ZNF841: variants seen among roughly 807,000 people sequenced by gnomAD.
ZNF841 encodes the protein TCONS_00006091.
ZNF841 carries 11 observed loss-of-function variants against 13.0 expected under a neutral mutation model. The ratio of observed to expected loss-of-function variants is 0.85; its 90% CI spans 0.53 to 1.40. The LOEUF is 1.40. Among genes scored for constraint, ZNF841 ranks in the 40% most tolerant of loss-of-function variants. The pLI is 0.00. For synonymous variants in ZNF841, 369 were observed against 381.6 expected, an observed-to-expected ratio of 0.97 and a Z score of 0.38; for missense variants, 1,068 against 1,139.5, an observed-to-expected ratio of 0.94 and a Z score of 0.90.
At chr19:52,060,372 C>A (rs913066427), downstream of ZNF841, among the ~76,000 whole-genome samples, 4 of 152,202 alleles carry the variant, frequency 2.6e-5, no homozygotes, top group African/African-American at 9.6e-5. Context: ...GTGGACAGCA[C>A]CTAAGCACAA....
At chr19:52,062,844 T>C (rs543022413), downstream of ZNF841, among the ~76,000 whole-genome samples, 5 of 152,150 alleles carry the variant, frequency 3.3e-5, no homozygotes, top group East Asian at 9.7e-4. Flanking sequence ...CATAGTATGA[T>C]TTACCTAACA....
chr19:52,065,880 G>C lies in ZNF841; in HGVS notation c.2002C>G (p.Leu668Val). 2 of 1,614,100 alleles carry C rather than the reference G, an allele frequency of 1.2e-6. No individual in the cohort carries two copies. The highest frequency in any genetic ancestry group is 1.7e-6 in the Non-Finnish European group (2 of 1,180,004). Residue 668 changes from leucine (L) to valine (V), a missense_variant, in exon 7 of 7, where the codon CTC becomes GTC. Transcript: ENST00000594440. ...GTATGAATTACCAGATGTTTAGTGA[G>C]GCTTGAACGCTGAGTATAGGCTTTG... Reference protein sequence around the residue: ...CGKAYTQRSSLTKHLVIHTGE... With the variant: ...CGKAYTQRSSVTKHLVIHTGE...
At chr19:52,087,967 C>G (rs1291730806) in intron 3 of ZNF841, among the ~76,000 whole-genome samples, 2 of 150,926 alleles carry the variant, frequency 1.3e-5, no homozygotes, top group African/African-American at 4.9e-5. Context: ...CAAGGAAACT[C>G]TCCATATTGA....
rs137926229 is a variant in ZNF841, at chr19:52,065,532, A to G, written c.2350T>C (p.Trp784Arg). The change falls in exon 7 of 7, where the codon TGG becomes CGG. Residue 784 changes from tryptophan to arginine, a missense_variant. Transcript: ENST00000594440. ...FRYRSGLARH[W>R]SIHTGEKPYK... The stretch of plus-strand genomic sequence containing the variant: ...GGTTTCTCTCCAGTATGAATACTCC[A>G]ATGACGTGCGAGGCCTGAGCGATAA... 6 of 1,611,436 alleles carry G rather than the reference A, an allele frequency of 3.7e-6. No homozygotes were observed. The East Asian group carries it at 1.1e-4, about 30-fold the overall frequency.
At chr19:52,068,443 G>A (rs577636384) in intron 6 of ZNF841, among the ~76,000 whole-genome samples, 18 of 152,162 alleles carry the variant, frequency 1.2e-4, no homozygotes, top group South Asian at 2.1e-4. Context: ...TTGGGAGGCC[G>A]AGGTGGGTGG....
intron 6 of ZNF841, among the ~76,000 whole-genome samples, chr19:52,070,210 G>A (rs1396679053): frequency 6.6e-6 from 1 of 152,194 alleles, no homozygotes; most frequent in Admixed American, 6.5e-5. Flanking sequence ...AATACTTCAA[G>A]AGCCATTTTG....
At chr19:52,063,164 C>T (rs1186106953), downstream of ZNF841, among the ~76,000 whole-genome samples, 4 of 152,056 alleles carry the variant, frequency 2.6e-5, no homozygotes, top group South Asian at 2.1e-4. Flanking sequence ...CGTGAGCCAC[C>T]GCATCTGGCT....
chr19:52,095,222 G>A (rs1489005376), intron 1 of ZNF841, among the ~76,000 whole-genome samples: 5 of 152,190 alleles, frequency 3.3e-5, no homozygotes, highest in Non-Finnish European at 5.9e-5. Context: ...GGGGAAGCCT[G>A]GGGAGCGGAA....
At chr19:52,069,585 G>A (rs2087684130) in intron 6 of ZNF841, among the ~76,000 whole-genome samples, 1 of 152,218 alleles carries the variant, frequency 6.6e-6, no homozygotes, top group South Asian at 2.1e-4. Flanking sequence ...CAATGTGATA[G>A]TATTTGGAAG....
intron 3 of ZNF841, among the ~76,000 whole-genome samples, chr19:52,088,606 G>A (rs1478045983): frequency 6.6e-6 from 1 of 152,070 alleles, no homozygotes; most frequent in African/African-American, 2.4e-5. Flanking sequence ...AATCATAACT[G>A]CATTAATGAA....
rs192310302 is a variant in ZNF841, at chr19:52,075,063, T to C, written c.271+981A>G. 1.5e-3 allele frequency among the ~76,000 whole-genome samples: 236 copies of C among 152,278 alleles called. 1 individual carries two copies. The highest frequency in any genetic ancestry group is 6.8e-3 in the Middle Eastern group (2 of 294). ...TACTCAAAGTGCTCTCCTTCAAAAATTTTCTCTTACCCAGTAAACTCACTC... is the reference window on the plus strand; with the variant it reads ...TACTCAAAGTGCTCTCCTTCAAAAACTTTCTCTTACCCAGTAAACTCACTC... On this transcript the variant is annotated intron_variant, in intron 6 of 6. Transcript: ENST00000594440.
chr19:52,064,392 T>C (rs930352780), downstream of ZNF841: 3 of 108,226 alleles, frequency 2.8e-5, no homozygotes, highest in African/African-American at 9.2e-5. Context: ...AAAAAAAACT[T>C]AGCTATATTC....
chr19:52,073,766 T>C (rs549037785), intron 6 of ZNF841, among the ~76,000 whole-genome samples: 54 of 152,312 alleles, frequency 3.5e-4, no homozygotes, highest in African/African-American at 1.3e-3. Flanking sequence ...TATAACATGA[T>C]GGACATGAAT....
chr19:52,075,591 C>T (rs541778426), intron 6 of ZNF841, among the ~76,000 whole-genome samples: 290 of 152,316 alleles, frequency 1.9e-3, no homozygotes, highest in Admixed American at 4.3e-3. Context: ...TTCCTCATCT[C>T]CTGACCAGCA....
Position 52,065,539 on chromosome 19 carries a change from T to C in ZNF841, c.2343A>G (p.Ala781=), listed in dbSNP as rs757029243. ...CTCCAGTATGAATACTCCAATGACG[T>C]GCGAGGCCTGAGCGATAACGGAAGA... ...GKVFRYRSGL[A]RHWSIHTGEK... Residue 781 remains alanine (A), a synonymous_variant, in exon 7 of 7, where the codon GCA becomes GCG. Coordinates refer to ENST00000594440, the MANE Select transcript of ZNF841 (RefSeq NM_001136499.2). The C allele has an allele frequency of 3.0e-5, 49 of 1,611,340 alleles. No homozygotes were observed. The South Asian group carries it at 4.7e-4, about 16-fold the overall frequency.
chr19:52,095,386 G>A (rs2088635579), intron 1 of ZNF841, among the ~76,000 whole-genome samples, 189 bp downstream of exon 1: 1 of 152,202 alleles, frequency 6.6e-6, no homozygotes, highest in Non-Finnish European at 1.5e-5. Flanking sequence ...GAGGAGCTCG[G>A]GGATCGCGAA....
In ZNF841 at chr19:52,089,520, G is replaced by A. The variant is rs141084238; in HGVS notation, c.-143-518C>T. Among the ~76,000 whole-genome samples the A allele has an allele frequency of 1.2e-3, 188 of 152,044 alleles. 3 individuals are homozygous for A. Among genetic ancestry groups the A allele is most frequent in the East Asian group, 7.7e-4 (4 of 5,168 alleles). ...AAAACAGCCGGACATGGTGACACAC[G>A]CTTGTAGTTTCAGCTACTCGGGAGG... is the stretch of plus-strand genomic sequence containing the variant. On this transcript the variant is annotated intron_variant, in intron 2 of 6. Transcript: ENST00000594440.
At chr19:52,085,430 C>T (rs754462153) in intron 3 of ZNF841, among the ~76,000 whole-genome samples, 9 of 152,222 alleles carry the variant, frequency 5.9e-5, no homozygotes, top group Non-Finnish European at 8.8e-5. Flanking sequence ...AGCACAGCCC[C>T]ATCCTCCCAG....
intron 4 of ZNF841, among the ~76,000 whole-genome samples, chr19:52,082,513 T>TCA (rs2088134229): frequency 6.6e-6 from 1 of 152,174 alleles, no homozygotes. Flanking sequence ...ACTTCATATT[T>TCA]TATAATCACA....
Sources: gnomAD v4.1 joint callset for allele counts (sites outside exome capture counted in the v4.1 genomes callset) on GRCh38, gnomAD v4.1.1 for gene constraint, MANE v1.5 for transcripts, NCBI Gene and HGNC (gene_info 2026-07-23, HGNC 2026-07-21) for gene names.